Variants in RASGRF2 observed in about 807,000 individuals in gnomAD.
The protein encoded by RASGRF2 is ras-specific guanine nucleotide-releasing factor 2.
In RASGRF2, 76 loss-of-function variants were observed where a neutral mutation model predicts 151.0. The observed-to-expected ratio is 0.50, with a 90% CI of 0.42 to 0.61. The LOEUF is 0.61. Among genes scored for constraint, RASGRF2 ranks in the 20% least tolerant of loss-of-function variants. The pLI is 0.00. For missense variants in RASGRF2, 1,148 were observed against 1,564.6 expected, an observed-to-expected ratio of 0.73 and a Z score of 4.49; for synonymous variants, 504 against 566.5, an observed-to-expected ratio of 0.89 and a Z score of 1.57.
At chr5:81,087,249 G>A (rs1015210023) in intron 9 of RASGRF2, 18 of 702,930 alleles carry the variant, frequency 2.6e-5, no homozygotes, top group Non-Finnish European at 4.4e-5. Context: ...AGGACCGGTC[G>A]GCCTGGCCCA....
At chr5:81,147,276 T>TC (rs1308520282) in intron 17 of RASGRF2, among the ~76,000 whole-genome samples, 1 of 152,186 alleles carries the variant, frequency 6.6e-6, no homozygotes, top group African/African-American at 2.4e-5. Context: ...GCAGCAGATT[T>TC]TTTTTTTAAC....
chr5:81,122,243 C>T (rs1422723200), intron 15 of RASGRF2, among the ~76,000 whole-genome samples: 1 of 152,196 alleles, frequency 6.6e-6, no homozygotes, highest in Non-Finnish European at 1.5e-5. Flanking sequence ...ATGATTTTCT[C>T]ATTTTCCTGA....
At chr5:80,979,383 T>C (rs1194113662) in intron 1 of RASGRF2, among the ~76,000 whole-genome samples, 1 of 152,184 alleles carries the variant, frequency 6.6e-6, no homozygotes, top group African/African-American at 2.4e-5. Context: ...GGGGGTGATA[T>C]TCATTGTAAT....
chr5:81,021,559 C>T (rs552178039), intron 1 of RASGRF2, among the ~76,000 whole-genome samples: 79 of 150,166 alleles, frequency 5.3e-4, no homozygotes, highest in Middle Eastern at 3.4e-3. Flanking sequence ...ATTGTGCGAG[C>T]GTGTGTGTGT....
At position 80,990,553 on chromosome 5, in the gene RASGRF2, T is replaced by A. The variant is rs1405745747; in HGVS notation, c.288+29527T>A. Among the ~76,000 whole-genome samples the A allele has an allele frequency of 3.3e-5, 5 of 152,270 alleles. No homozygotes were observed. In the East Asian group the frequency reaches 5.8e-4, roughly 18 times the overall value. On this transcript the variant is annotated intron_variant, in intron 1 of 26. Coordinates refer to ENST00000265080, the MANE Select transcript of RASGRF2 (RefSeq NM_006909.3). ...TTTCCCTTCTCTAGCTGGCTTCTGT[T>A]AGGAGCTCTTTGTGGCAGGAGCCCT...
rs761975770 is a variant in RASGRF2, at chr5:81,086,944, A to C, written c.1381A>C (p.Ile461Leu). Residue 461 changes from isoleucine to leucine, a missense_variant, in exon 9 of 27, where the codon ATC (isoleucine) becomes CTC (leucine). Ile to Leu is a conservative substitution (Grantham distance 5). Transcript: ENST00000265080. ...DILLDTSQTF[I>L]RQGSLIQVPS... Reference sequence around the variant, plus strand: ...CTTGCTGGACACCAGCCAAACGTTCATCCGCCAAGGTAAGTCCCTGTGAAA... The same window carrying C: ...CTTGCTGGACACCAGCCAAACGTTCCTCCGCCAAGGTAAGTCCCTGTGAAA... The C allele has an allele frequency of 6.2e-7, 1 of 1,613,314 alleles. No individual in the cohort carries two copies. The highest frequency in any genetic ancestry group is 8.5e-7 in the Non-Finnish European group (1 of 1,179,262).
At chr5:81,035,517 C>G (rs984366862) in intron 1 of RASGRF2, among the ~76,000 whole-genome samples, 1 of 151,846 alleles carries the variant, frequency 6.6e-6, no homozygotes, top group African/African-American at 2.4e-5. Flanking sequence ...ATGTAAATGA[C>G]AAGTTAATGG....
chr5:81,037,475 A>G (rs933650685), intron 1 of RASGRF2, among the ~76,000 whole-genome samples: 39 of 152,116 alleles, frequency 2.6e-4, no homozygotes, highest in Non-Finnish European at 7.4e-5. Flanking sequence ...GGAAGATTGT[A>G]GGATCCTCTT....
At chr5:81,105,749 AC>A (rs1425231703) in intron 12 of RASGRF2, among the ~76,000 whole-genome samples, 2 of 151,934 alleles carry the variant, frequency 1.3e-5, no homozygotes, top group African/African-American at 2.4e-5. Context: ...AGGAGCACTT[AC>A]CCTTGTCAGT....
chr5:80,982,746 G>A (rs1311667161), intron 1 of RASGRF2, among the ~76,000 whole-genome samples: 1 of 151,826 alleles, frequency 6.6e-6, no homozygotes, highest in East Asian at 1.9e-4. Context: ...GACTACAAGT[G>A]CCTGCCACCA....
At chr5:80,995,695 T>TCCCG (rs1561544188) in intron 1 of RASGRF2, among the ~76,000 whole-genome samples, 8 of 75,186 alleles carry the variant, frequency 1.1e-4, no homozygotes, top group African/African-American at 4.1e-4. Flanking sequence ...CCCCCCCCCT[T>TCCCG]TTTTTTTTTT....
chr5:81,164,471 C>T (rs1291132955), intron 17 of RASGRF2, among the ~76,000 whole-genome samples: 2 of 151,284 alleles, frequency 1.3e-5, no homozygotes, highest in Non-Finnish European at 1.5e-5. Context: ...AAAAAAAACC[C>T]TCATGAAGTT....
chr5:81,015,082 C>G (rs1451225222), intron 1 of RASGRF2, among the ~76,000 whole-genome samples: 1 of 152,048 alleles, frequency 6.6e-6, no homozygotes, highest in Non-Finnish European at 1.5e-5. Flanking sequence ...CTGAGCTTAG[C>G]CTGGGGATCT....
chr5:81,126,054 G>A (rs969123991), intron 16 of RASGRF2, among the ~76,000 whole-genome samples: 2 of 152,346 alleles, frequency 1.3e-5, no homozygotes, highest in South Asian at 2.1e-4. Flanking sequence ...CCCTCTTAAC[G>A]TGTGTATTTA....
chr5:81,136,928 G>A (rs1290214289), intron 17 of RASGRF2, among the ~76,000 whole-genome samples: 1 of 96,016 alleles, frequency 1.0e-5, no homozygotes. Flanking sequence ...TCATTTCCGT[G>A]TCTGTGTTTT....
chr5:81,124,022 A>G (rs1309148904), intron 16 of RASGRF2, among the ~76,000 whole-genome samples: 6 of 152,246 alleles, frequency 3.9e-5, no homozygotes, highest in African/African-American at 1.2e-4. Flanking sequence ...GACCATGTAC[A>G]TACTTTTTTT....
chr5:81,034,804 T>TTG lies in RASGRF2; in HGVS notation c.289-8073_289-8072insTG, dbSNP rs1554087627. Among the ~76,000 whole-genome samples the TTG allele has an allele frequency of 2.0e-4, 18 of 89,368 alleles. 1 individual carries two copies. Among genetic ancestry groups the TTG allele is most frequent in the Middle Eastern group, 6.1e-3 (1 of 164 alleles). 58.6% of individuals were successfully genotyped at this position (89,368 alleles called of 152,430 possible). On this transcript the variant is annotated intron_variant, in intron 1 of 26. Coordinates refer to ENST00000265080, the MANE Select transcript of RASGRF2 (RefSeq NM_006909.3). The stretch of plus-strand genomic sequence containing the variant: ...TCACACTCTGGGGACTGTTGTGGGG[T>TTG]GGGAGGGGGGTAGGGATAGCATTGG...
intron 17 of RASGRF2, among the ~76,000 whole-genome samples, chr5:81,133,036 G>A (rs1246727115): frequency 6.6e-6 from 1 of 152,118 alleles, no homozygotes; most frequent in Non-Finnish European, 1.5e-5. Flanking sequence ...TGTATGCTGG[G>A]GAGTGAGGGT....
chr5:81,209,468 A>C (rs575324193), intron 22 of RASGRF2, among the ~76,000 whole-genome samples: 1 of 152,220 alleles, frequency 6.6e-6, no homozygotes. Flanking sequence ...CAGGAACCCC[A>C]TAGGTAAATT....
Sources: allele counts gnomAD v4.1 joint callset (sites outside exome capture counted in the v4.1 genomes callset), GRCh38; gene constraint gnomAD v4.1.1; transcripts MANE v1.5; gene names NCBI Gene and HGNC (gene_info 2026-07-23, HGNC 2026-07-21).